Variants in DLGAP1 observed in about 807,000 individuals in gnomAD.
DLGAP1 encodes disks large-associated protein 1.
DLGAP1 carries 11 observed loss-of-function variants against 90.8 expected under a neutral mutation model. The observed-to-expected ratio is 0.12, with a 90% CI of 0.08 to 0.20. The LOEUF (loss-of-function observed/expected upper bound fraction) is 0.20. Among genes scored for constraint, DLGAP1 ranks in the 10% least tolerant of loss-of-function variants. DLGAP1 has a pLI of 1.00. For missense variants in DLGAP1, 1,050 were observed against 1,333.8 expected, an observed-to-expected ratio of 0.79 and a Z score of 3.31; for synonymous variants, 558 against 540.7, an observed-to-expected ratio of 1.03 and a Z score of -0.44.
At chr18:3,979,916 A>T (rs1268761882) in intron 3 of DLGAP1, among the ~76,000 whole-genome samples, 1 of 152,168 alleles carries the variant, frequency 6.6e-6, no homozygotes, top group Non-Finnish European at 1.5e-5. Context: ...CAGGTGGATC[A>T]CTTGAGGTCA....
chr18:3,591,608 C>T (rs543064978), intron 7 of DLGAP1, among the ~76,000 whole-genome samples: 195 of 151,530 alleles, frequency 1.3e-3, no homozygotes, highest in Admixed American at 3.1e-3. Flanking sequence ...AAGGCTGGGG[C>T]GGGAGGATTG....
intron 5 of DLGAP1, among the ~76,000 whole-genome samples, chr18:3,746,133 G>A (rs2147751886): frequency 6.6e-6 from 1 of 152,144 alleles, no homozygotes; most frequent in East Asian, 1.9e-4. Context: ...AGTTGGAATA[G>A]GCAAGGAAAA....
chr18:4,269,951 C>A (rs1231781842), intron 1 of DLGAP1, among the ~76,000 whole-genome samples: 1 of 152,184 alleles, frequency 6.6e-6, no homozygotes, highest in Admixed American at 6.5e-5. Flanking sequence ...GCCTTTTCTA[C>A]TGCAGCTTGT....
intron 2 of DLGAP1, among the ~76,000 whole-genome samples, chr18:4,123,186 G>T (rs965088486): frequency 2.6e-5 from 4 of 152,174 alleles, no homozygotes; most frequent in South Asian, 2.1e-4. Context: ...AGCCTATGTA[G>T]GTGGGTGGTG....
chr18:4,013,327 G>A (rs898525688), intron 2 of DLGAP1, among the ~76,000 whole-genome samples: 1 of 152,142 alleles, frequency 6.6e-6, no homozygotes, highest in Non-Finnish European at 1.5e-5. Flanking sequence ...AGGAAACTGA[G>A]GCACAGGGTT....
intron 2 of DLGAP1, among the ~76,000 whole-genome samples, chr18:4,029,790 C>T (rs2074762835): frequency 6.6e-6 from 1 of 152,124 alleles, no homozygotes; most frequent in Non-Finnish European, 1.5e-5. Flanking sequence ...GCCCTAATGT[C>T]TCTCCTACTT....
chr18:4,134,649 T>C (rs1489522298), intron 2 of DLGAP1, among the ~76,000 whole-genome samples: 1 of 152,104 alleles, frequency 6.6e-6, no homozygotes, highest in Non-Finnish European at 1.5e-5. Flanking sequence ...ATGTGTAACA[T>C]TTAGAGCTTG....
At chr18:4,194,752 AAT>A (rs1217494887) in intron 1 of DLGAP1, among the ~76,000 whole-genome samples, 1 of 152,234 alleles carries the variant, frequency 6.6e-6, no homozygotes, top group Non-Finnish European at 1.5e-5. Context: ...TCTATCATTT[AAT>A]AGAGTCTATA....
At chr18:4,245,797 T>C (rs967180476) in intron 1 of DLGAP1, among the ~76,000 whole-genome samples, 1 of 147,584 alleles carries the variant, frequency 6.8e-6, no homozygotes, top group Non-Finnish European at 1.5e-5. Context: ...AATGCAAAGA[T>C]ACTCTTTTAT....
intron 2 of DLGAP1, among the ~76,000 whole-genome samples, chr18:4,010,535 G>C (rs1030157192): frequency 6.6e-6 from 1 of 152,160 alleles, no homozygotes; most frequent in African/African-American, 2.4e-5. Flanking sequence ...GTGACAGTGA[G>C]ACTCTGTCTA....
Position 3,560,952 on chromosome 18 carries a change from G to C in DLGAP1, c.2057+6538C>G, listed in dbSNP as rs1047455850. On this transcript the variant is annotated intron_variant, in intron 9 of 12. Transcript: ENST00000315677. Reference sequence around the variant, plus strand: ...TCATATAACACTGTGACACTTCACAGGTTTTGCAAGTACTTTGTAATAATT... The same window carrying C: ...TCATATAACACTGTGACACTTCACACGTTTTGCAAGTACTTTGTAATAATT... Among the ~76,000 whole-genome samples the C allele has an allele frequency of 2.0e-5, 3 of 150,734 alleles. 1 individual carries two copies. The highest frequency in any genetic ancestry group is 7.5e-5 in the African/African-American group (3 of 40,210).
intron 1 of DLGAP1, among the ~76,000 whole-genome samples, chr18:4,230,021 A>T (rs1406465655): frequency 6.6e-6 from 1 of 152,106 alleles, no homozygotes; most frequent in Non-Finnish European, 1.5e-5. Context: ...CAAATAACAA[A>T]CGTATATGAA....
chr18:4,021,163 G>A (rs552025899), intron 2 of DLGAP1, among the ~76,000 whole-genome samples: 1 of 152,290 alleles, frequency 6.6e-6, no homozygotes, highest in South Asian at 2.1e-4. Flanking sequence ...CTAGTCTCCT[G>A]TACAGGCGGC....
chr18:3,898,047 G>A (rs1437512699), intron 3 of DLGAP1, among the ~76,000 whole-genome samples: 5 of 152,112 alleles, frequency 3.3e-5, no homozygotes, highest in East Asian at 1.9e-4. Flanking sequence ...GCCCGCCTTG[G>A]CCTCCCAAAG....
intron 7 of DLGAP1, among the ~76,000 whole-genome samples, chr18:3,646,855 G>A (rs992149049): frequency 2.0e-5 from 3 of 152,146 alleles, no homozygotes; most frequent in Admixed American, 6.5e-5. Flanking sequence ...AACCCGGGAG[G>A]CGGAGCTTGC....
intron 3 of DLGAP1, among the ~76,000 whole-genome samples, chr18:3,917,525 T>C (rs1416464229): frequency 6.6e-6 from 1 of 151,006 alleles, no homozygotes; most frequent in Non-Finnish European, 1.5e-5. Context: ...TTATATAATA[T>C]TTGACATCAT....
intron 1 of DLGAP1, among the ~76,000 whole-genome samples, chr18:4,401,044 T>C (rs2082543318): frequency 6.6e-6 from 1 of 152,190 alleles, no homozygotes; most frequent in East Asian, 1.9e-4. Context: ...TACTTAGAAG[T>C]ATCAGCCAAA....
intron 3 of DLGAP1, among the ~76,000 whole-genome samples, chr18:3,985,906 T>C (rs1180077485): frequency 1.3e-5 from 2 of 152,186 alleles, no homozygotes; most frequent in East Asian, 3.8e-4. Flanking sequence ...GATGTGCAAA[T>C]ACTTTTCTGG....
chr18:3,652,057 A>G (rs1599731629), intron 7 of DLGAP1, among the ~76,000 whole-genome samples: 3 of 145,318 alleles, frequency 2.1e-5, no homozygotes, highest in Admixed American at 6.9e-5. Context: ...CCAGCTACTC[A>G]GGGGGCTGAG....
Sources: allele counts gnomAD v4.1 joint callset (sites outside exome capture counted in the v4.1 genomes callset), GRCh38; gene constraint gnomAD v4.1.1; transcripts MANE v1.5; gene names NCBI Gene and HGNC (gene_info 2026-07-23, HGNC 2026-07-21).